The following PRKN variants were observed in gnomAD, a reference collection of about 807,000 sequenced individuals.
PRKN encodes parkin RBR E3 ubiquitin protein ligase.
Under a neutral mutation model 59.5 loss-of-function variants are expected in PRKN, and 56 were observed. That is an observed-to-expected ratio of 0.94 (90% CI 0.76 to 1.18). PRKN has a LOEUF of 1.18. PRKN is among the 50% of genes most tolerant of loss of function. The pLI is 0.00. For synonymous variants in PRKN, 250 were observed against 222.1 expected (o/e 1.13, Z -1.12); for missense variants, 657 against 596.4 (o/e 1.10, Z -1.06).
chr6:161,666,867 G>T (rs566115611), intron 7 of PRKN, among the ~76,000 whole-genome samples: 1 of 152,274 alleles, frequency 6.6e-6, no homozygotes, highest in South Asian at 2.1e-4. Flanking sequence ...ACACTCAGCA[G>T]AAGATGCCTT....
intron 7 of PRKN, among the ~76,000 whole-genome samples, chr6:161,627,931 CTTT>C (rs1036637202): frequency 1.1e-3 from 168 of 152,236 alleles, no homozygotes; most frequent in African/African-American, 3.8e-3. Flanking sequence ...TTTACACTTC[CTTT>C]TTTATTTTTT....
rs541166425 is a variant in PRKN, at chr6:161,705,880, A to C, written c.871+79892T>G. Among the ~76,000 whole-genome samples the C allele has an allele frequency of 2.6e-5, 4 of 152,086 alleles. No homozygotes were observed. In the South Asian group the frequency reaches 8.3e-4, roughly 32 times the overall value. On this transcript the variant is annotated intron_variant, in intron 7 of 11. Coordinates refer to ENST00000366898, the MANE Select transcript of PRKN (RefSeq NM_004562.3). ...TTCTTAGCTTCTACTCCATTGTCAG[A>C]TTCACATTACTAATGCAGAGCTCCA...
rs1475275601 is a variant in PRKN, at chr6:161,584,019, T to A, written c.872-14603A>T. Among the ~76,000 whole-genome samples, 3 of 152,176 alleles carry A rather than the reference T, an allele frequency of 2.0e-5. No homozygotes were observed. The highest frequency in any genetic ancestry group is 2.9e-5 in the Non-Finnish European group (2 of 68,034). The stretch of plus-strand genomic sequence containing the variant: ...CACTCTTCAGAATTTGTCTACAAAC[T>A]TAACACCACCAATCACAGTGAGGCC... On this transcript the variant is annotated intron_variant, in intron 7 of 11. Coordinates refer to ENST00000366898, the MANE Select transcript of PRKN (RefSeq NM_004562.3). This position sits in a 1 kb window ranked among gnomAD's most constrained non-coding sequence, Gnocchi z 4.8.
At chr6:162,278,412 A>G (rs968806317) in intron 2 of PRKN, among the ~76,000 whole-genome samples, 3 of 152,156 alleles carry the variant, frequency 2.0e-5, no homozygotes, top group Non-Finnish European at 4.4e-5. Flanking sequence ...GTACACCAAG[A>G]GTGTACCCTC....
chr6:162,411,920 A>T (rs1009832100), intron 2 of PRKN, among the ~76,000 whole-genome samples: 1 of 152,166 alleles, frequency 6.6e-6, no homozygotes, highest in Non-Finnish European at 1.5e-5. Flanking sequence ...ATACTTCTTT[A>T]GATCCTGGAA....
chr6:162,653,230 A>G (rs1227816664), intron 1 of PRKN, among the ~76,000 whole-genome samples: 1 of 152,202 alleles, frequency 6.6e-6, no homozygotes, highest in Non-Finnish European at 1.5e-5. Flanking sequence ...AGCAGTTTCA[A>G]CTGTACCTAT....
chr6:161,483,834 T>C lies in PRKN; in HGVS notation c.1083+65020A>G, dbSNP rs1239932613. On this transcript the variant is annotated intron_variant, in intron 9 of 11. Transcript: ENST00000366898. The surrounding 1 kb of genome is among the most constrained non-coding windows in gnomAD (Gnocchi z 5.0). ...AATGTGGTCCATATATATCATGGAA[T>C]ACTATGCAACCATAAAAAGGAACAA... Among the ~76,000 whole-genome samples, 1 of 152,198 alleles carries C rather than the reference T, an allele frequency of 6.6e-6. No individual in the cohort carries two copies. The highest frequency in any genetic ancestry group is 1.5e-5 in the Non-Finnish European group (1 of 68,038).
intron 7 of PRKN, among the ~76,000 whole-genome samples, chr6:161,679,741 CTTTTTTTTTTTTTTTTTTTTT>C (rs745812196): frequency 8.5e-5 from 2 of 23,484 alleles, no homozygotes; most frequent in African/African-American, 2.0e-4. Flanking sequence ...TCAGAGCCAG[CTTTTTTTTTTTTTTTTTTTTT>C]TTTTTTTTTT....
At chr6:161,639,497 T>G (rs1783658564) in intron 7 of PRKN, among the ~76,000 whole-genome samples, 1 of 152,150 alleles carries the variant, frequency 6.6e-6, no homozygotes, top group Admixed American at 6.5e-5. Flanking sequence ...AAGGAGTGTT[T>G]GAAATTTGGG....
intron 9 of PRKN, among the ~76,000 whole-genome samples, chr6:161,455,288 C>T (rs1263255239): frequency 2.6e-5 from 4 of 152,030 alleles, no homozygotes; most frequent in African/African-American, 7.2e-5. Context: ...CCACCTGCCT[C>T]GGCCTCCTAA....
At position 161,451,607 on chromosome 6, in the gene PRKN, C is replaced by A. The variant is rs1183887202; in HGVS notation, c.1084-64730G>T. On this transcript the variant is annotated intron_variant, in intron 9 of 11. Transcript: ENST00000366898. This position sits in a 1 kb window ranked among gnomAD's most constrained non-coding sequence, Gnocchi z 5.9. Reference sequence around the variant, plus strand: ...ACCCATCCTTGAATGGCCAGAGTAACCTGTCTCAAGAATATGAGCAAGATG... The same window carrying A: ...ACCCATCCTTGAATGGCCAGAGTAAACTGTCTCAAGAATATGAGCAAGATG... Among the ~76,000 whole-genome samples the A allele has an allele frequency of 6.6e-6, 1 of 152,200 alleles. No homozygotes were observed. Among genetic ancestry groups the A allele is most frequent in the Non-Finnish European group, 1.5e-5 (1 of 68,052 alleles).
At chr6:162,617,138 T>C (rs1782455716) in intron 1 of PRKN, among the ~76,000 whole-genome samples, 1 of 152,168 alleles carries the variant, frequency 6.6e-6, no homozygotes, top group Non-Finnish European at 1.5e-5. Flanking sequence ...TCAAGCTAAT[T>C]AGCATATGCA....
chr6:161,680,758 TATATATA>T lies in PRKN; in HGVS notation c.871+105007_871+105013del, dbSNP rs1198968604. ...ATATATATATATATATATATATATA[TATATATA>T]TATATATATATTTTTTTTTTTTTTT... is the stretch of plus-strand genomic sequence containing the variant. On this transcript the variant is annotated intron_variant, in intron 7 of 11. Transcript: ENST00000366898. Among the ~76,000 whole-genome samples the T allele has an allele frequency of 8.7e-3, 161 of 18,516 alleles. 13 individuals are homozygous for T. Among genetic ancestry groups the T allele is most frequent in the African/African-American group, 0.023 (151 of 6,452 alleles). 12.1% of individuals were successfully genotyped at this position (18,516 alleles called of 152,430 possible). A position where few individuals can be genotyped will look rare whatever the true frequency, so the allele number is the denominator to read the frequency against.
At chr6:161,934,448 A>G (rs915707118) in intron 6 of PRKN, among the ~76,000 whole-genome samples, 6 of 152,156 alleles carry the variant, frequency 3.9e-5, no homozygotes, top group Non-Finnish European at 8.8e-5. Context: ...CTTAACTTCA[A>G]TGGGTTTGCT....
chr6:161,481,755 T>C (rs1481498750), intron 9 of PRKN, among the ~76,000 whole-genome samples: 2 of 152,224 alleles, frequency 1.3e-5, no homozygotes, highest in Admixed American at 6.5e-5. Context: ...ATCCTATCAC[T>C]CTGTTTGAGC....
intron 1 of PRKN, among the ~76,000 whole-genome samples, chr6:162,606,767 G>A (rs1562429734): frequency 1.3e-5 from 2 of 152,076 alleles, no homozygotes; most frequent in Non-Finnish European, 2.9e-5. Context: ...CCAAGGCTGG[G>A]GTGCAGTGGT....
chr6:161,569,393 T>C lies in PRKN; in HGVS notation c.895A>G (p.Lys299Glu). Residue 299 changes from lysine (K) to glutamate (E), a missense_variant, in exon 8 of 12, where the codon AAA (lysine) becomes GAA (glutamate). Coordinates refer to ENST00000366898, the MANE Select transcript of PRKN (RefSeq NM_004562.3). ...AGAATCCTGAAGTGATGGAGCTCTT[T>C]AATCAAGGAGTTGGGACAGCCAGCT... ...CVAGCPNSLI[K>E]ELHHFRILGE... 6.2e-7 allele frequency: 1 copy of C among 1,614,010 alleles called. No homozygotes were observed. The highest frequency in any genetic ancestry group is 8.5e-7 in the Non-Finnish European group (1 of 1,179,874).
intron 1 of PRKN, among the ~76,000 whole-genome samples, chr6:162,543,970 G>A (rs1317360340): frequency 1.3e-5 from 2 of 152,040 alleles, no homozygotes; most frequent in African/African-American, 4.8e-5. Flanking sequence ...GTCCAATTTT[G>A]GTTTAGCAAA....
intron 7 of PRKN, among the ~76,000 whole-genome samples, chr6:161,730,217 A>G (rs1275036884): frequency 1.4e-5 from 2 of 143,072 alleles, no homozygotes; most frequent in Non-Finnish European, 3.0e-5. Flanking sequence ...TTGCATTCTG[A>G]TGTGTTGCAT....
Sources: allele counts gnomAD v4.1 joint callset (sites outside exome capture counted in the v4.1 genomes callset), GRCh38; gene constraint gnomAD v4.1.1; non-coding constraint Gnocchi (gnomAD v3.1); transcripts MANE v1.5; gene names NCBI Gene and HGNC (gene_info 2026-07-23, HGNC 2026-07-21).